PABIR2: variants seen among roughly 807,000 people sequenced by gnomAD.
PABIR2 encodes the protein family with sequence similarity 122B.
A neutral mutation model predicts 22.8 loss-of-function variants in PABIR2; 7 were observed. The ratio of observed to expected loss-of-function variants is 0.31; its 90% CI spans 0.17 to 0.58. The LOEUF (loss-of-function observed/expected upper bound fraction) is 0.58, where lower values mean the gene tolerates loss of function less well. PABIR2 is among the 20% of genes least tolerant of loss of function. PABIR2 has a pLI of 0.89. For synonymous variants in PABIR2, 67 were observed against 73.8 expected, an observed-to-expected ratio of 0.91 and a Z score of 0.47; for missense variants, 155 against 205.1, an observed-to-expected ratio of 0.76 and a Z score of 1.49.
rs145798413 is a variant in PABIR2 at position 134,786,734 on chromosome X, C to T, written c.497+738G>A. On this transcript the variant is annotated intron_variant, in intron 7 of 9. Coordinates refer to ENST00000343004, the MANE Select transcript of PABIR2 (RefSeq NM_001387468.1). ...GTACTTTGGGAGGCCGAGGAGGGCA[C>T]GAGGTCAAGAGATTGAGACCATCCT... 1.7e-4 allele frequency among the ~76,000 whole-genome samples: 19 copies of T among 110,481 alleles called. No homozygotes were observed. The East Asian group carries it at 5.2e-3, about 30-fold the overall frequency.
Position 134,771,444 on chromosome X carries a change from T to C in PABIR2, c.*695A>G. 1 of 1,091,373 alleles carries C rather than the reference T, an allele frequency of 9.2e-7. No homozygotes were observed. The highest frequency in any genetic ancestry group is 3.4e-5 in the Admixed American group (1 of 29,504). The allele number at this position is 1,091,373 out of a possible 1,213,427, so 89.9% of individuals were successfully genotyped here. On this transcript the variant is annotated 3_prime_UTR_variant, in exon 10 of 10. Coordinates refer to ENST00000343004, the MANE Select transcript of PABIR2 (RefSeq NM_001387468.1). ...CTGTGGTAGCAAAGTCATAAGAACC[T>C]GTGATGACTAATCCAAGCATCCTGT...
intron 7 of PABIR2, among the ~76,000 whole-genome samples, chrX:134,786,583 T>G (rs1325836964): frequency 1.8e-5 from 2 of 112,078 alleles, no homozygotes; most frequent in African/African-American, 6.5e-5. Context: ...TTTTCCTTAT[T>G]CTTAAAAAGG....
chrX:134,775,518 CAAAAAAAAAAAA>C (rs773542327), intron 9 of PABIR2, among the ~76,000 whole-genome samples: 1 of 25,242 alleles, frequency 4.0e-5, no homozygotes. Flanking sequence ...GACTCCGTCT[CAAAAAAAAAAAA>C]AAAAAAAAAA....
Position 134,796,515 on chromosome X carries a change from T to G in PABIR2, c.-310A>C, listed in dbSNP as rs1603098032. 5 of 179,499 alleles carry G rather than the reference T, an allele frequency of 2.8e-5. No homozygotes were observed. Among genetic ancestry groups the G allele is most frequent in the South Asian group, 1.2e-4 (1 of 8,412 alleles). The allele number at this position is 179,499 out of a possible 1,213,427, so 14.8% of individuals were successfully genotyped here. A position where few individuals can be genotyped will look rare whatever the true frequency, so the allele number is the denominator to read the frequency against. On this transcript the variant is annotated 5_prime_UTR_variant, in exon 1 of 10. Coordinates refer to ENST00000343004, the MANE Select transcript of PABIR2 (RefSeq NM_001387468.1). ...AAGAAGGATGGAGGGAAAACAAGGA[T>G]GGAGGGAGGAGGGAAGAGGGAGGGA... is the stretch of plus-strand genomic sequence containing the variant.
chrX:134,785,924 C>G lies in PABIR2; in HGVS notation c.524G>C (p.Cys175Ser). The G allele has an allele frequency of 8.3e-7, 1 of 1,211,488 alleles. No homozygotes were observed. Among genetic ancestry groups the G allele is most frequent in the East Asian group, 3.0e-5 (1 of 33,849 alleles). Residue 175 changes from cysteine (C) to serine (S), a missense_variant, in exon 8 of 10, where the codon TGC becomes TCC. Transcript: ENST00000343004. The stretch of plus-strand genomic sequence containing the variant: ...AGGACCAAGAACACTGGGTCTAATG[C>G]ACTTGACTGGACTCTGACTTCTCCT... The part of the protein sequence containing the change: ...SSRRSQSPVK[C>S]IRPSVLGPLK...
intron 6 of PABIR2, among the ~76,000 whole-genome samples, chrX:134,788,146 TAC>T (rs777357432): frequency 4.4e-5 from 4 of 90,192 alleles, no homozygotes; most frequent in African/African-American, 1.8e-4. Flanking sequence ...GTGTAATATA[TAC>T]GTTATATATG....
rs750112201 is a variant in PABIR2 at position 134,791,936 on chromosome X, C to CA, written c.177+1878dup. On this transcript the variant is annotated intron_variant, in intron 2 of 9. Coordinates refer to ENST00000343004, the MANE Select transcript of PABIR2 (RefSeq NM_001387468.1). ...GCGCCAACCCCCGGTCACCAAAATA[C>CA]AAAATTTCCATCACTTGGAGTCTTC... Among the ~76,000 whole-genome samples, 38 of 111,741 alleles carry CA rather than the reference C, an allele frequency of 3.4e-4. No homozygotes were observed. In the South Asian group the frequency reaches 0.014, roughly 41 times the overall value.
intron 7 of PABIR2, 29 bp from the exon 8 acceptor site, chrX:134,785,979 T>C: frequency 8.5e-7 from 1 of 1,182,158 alleles, no homozygotes; most frequent in Non-Finnish European, 1.2e-6. Flanking sequence ...CAGGATAATG[T>C]GAAGAACATC....
At position 134,793,908 on chromosome X, in the gene PABIR2, A is replaced by G. The variant is rs199792049; in HGVS notation, c.99-15T>C. On this transcript the variant is annotated splice_polypyrimidine_tract_variant and intron_variant, in intron 1 of 9. Transcript: ENST00000343004. ...GTGAAAGGTCACTGAAAAAAACAAAAACAAACAAACAAAAAAAACAAAATT... is the reference window on the plus strand; with the variant it reads ...GTGAAAGGTCACTGAAAAAAACAAAGACAAACAAACAAAAAAAACAAAATT... 16 of 1,191,029 alleles carry G rather than the reference A, an allele frequency of 1.3e-5. No homozygotes were observed. The East Asian group carries it at 4.2e-4, about 31-fold the overall frequency.
intron 9 of PABIR2, among the ~76,000 whole-genome samples, chrX:134,781,106 A>G (rs2079144348): frequency 8.9e-6 from 1 of 112,720 alleles, no homozygotes; most frequent in Non-Finnish European, 1.9e-5. Context: ...TTCTCACACC[A>G]GCCAGCAGTT....
intron 3 of PABIR2, 146 bp downstream of exon 3, chrX:134,789,434 T>A (rs2079481241): frequency 1.2e-6 from 1 of 824,501 alleles, no homozygotes; most frequent in South Asian, 2.2e-5. Flanking sequence ...ATGCCGCTTG[T>A]ATATTTTATC....
At chrX:134,776,612 T>C (rs1324807253) in intron 9 of PABIR2, among the ~76,000 whole-genome samples, 1 of 109,522 alleles carries the variant, frequency 9.1e-6, no homozygotes, top group Non-Finnish European at 1.9e-5. Flanking sequence ...AATTTTCGTT[T>C]AGTAAAAGAA....
chrX:134,788,615 T>G (rs2079451582), intron 6 of PABIR2, 115 bp downstream of exon 6: 1 of 466,318 alleles, frequency 2.1e-6, no homozygotes, highest in Non-Finnish European at 3.4e-6. Flanking sequence ...GCTGTAGATT[T>G]TCATTGATTT....
chrX:134,780,226 C>A (rs2079119605), intron 9 of PABIR2, among the ~76,000 whole-genome samples: 1 of 112,584 alleles, frequency 8.9e-6, no homozygotes. Flanking sequence ...ACACTCCTTC[C>A]ATTTAAGGGG....
Position 134,788,174 on chromosome X carries a change from TTA to T in PABIR2, c.435+554_435+555del, listed in dbSNP as rs202067716. ...GTTATATATGTGTAATATATACACG[TTA>T]TATATGTGTAATATATACACGTTAT... is the stretch of plus-strand genomic sequence containing the variant. On this transcript the variant is annotated intron_variant, in intron 6 of 9. Coordinates refer to ENST00000343004, the MANE Select transcript of PABIR2 (RefSeq NM_001387468.1). 8.0e-3 allele frequency among the ~76,000 whole-genome samples: 700 copies of T among 88,023 alleles called. 22 individuals are homozygous for T. Among genetic ancestry groups the T allele is most frequent in the African/African-American group, 0.03 (671 of 22,268 alleles). The allele number at this position is 88,023 out of a possible 115,157, so 76.4% of individuals were successfully genotyped here.
In PABIR2 at chrX:134,771,273, G is replaced by C. The variant is rs760471169; in HGVS notation, c.*866C>G. ...TGGACGCTTTTGTACACAGTGGTTT[G>C]TGTGTAAATAACTATTCATTCATTT... On this transcript the variant is annotated 3_prime_UTR_variant, in exon 10 of 10. Coordinates refer to ENST00000343004, the MANE Select transcript of PABIR2 (RefSeq NM_001387468.1). 3.5e-6 allele frequency: 4 copies of C among 1,148,235 alleles called. No individual in the cohort carries two copies. The South Asian group carries it at 5.8e-5, about 17-fold the overall frequency. The allele number at this position is 1,148,235 out of a possible 1,213,427, so 94.6% of individuals were successfully genotyped here.
intron 8 of PABIR2, among the ~76,000 whole-genome samples, chrX:134,785,588 C>A (rs1159001534): frequency 2.7e-5 from 3 of 110,131 alleles, no homozygotes; most frequent in Admixed American, 9.7e-5. Flanking sequence ...ATTACAGGTA[C>A]CTGCCACCAC....
In PABIR2 at chrX:134,770,089, G is replaced by A. The variant is rs1389352637; in HGVS notation, c.*2050C>T. On this transcript the variant is annotated 3_prime_UTR_variant, in exon 10 of 10. Coordinates refer to ENST00000343004, the MANE Select transcript of PABIR2 (RefSeq NM_001387468.1). ...TTAATGTAAATACCATCATATTTCA[G>A]TTATTTCTTAACAGTGTTAAGTTCG... The A allele has an allele frequency of 8.9e-6, 1 of 112,182 alleles. No homozygotes were observed. 9.2% of individuals were successfully genotyped at this position (112,182 alleles called of 1,213,427 possible). A position where few individuals can be genotyped will look rare whatever the true frequency, so the allele number is the denominator to read the frequency against.
chrX:134,796,280 T>G lies in PABIR2; in HGVS notation c.-75A>C. ...AGCTATGGACTCCCAAGACTCTCACTGCAGGACTGAGCTGCTGGGGACTGG... is the reference window on the plus strand; with the variant it reads ...AGCTATGGACTCCCAAGACTCTCACGGCAGGACTGAGCTGCTGGGGACTGG... On this transcript the variant is annotated 5_prime_UTR_variant, in exon 1 of 10. Coordinates refer to ENST00000343004, the MANE Select transcript of PABIR2 (RefSeq NM_001387468.1). The G allele has an allele frequency of 1.4e-6, 1 of 702,287 alleles. No individual in the cohort carries two copies. The highest frequency in any genetic ancestry group is 1.9e-6 in the Non-Finnish European group (1 of 513,420). The allele number at this position is 702,287 out of a possible 1,213,427, so 57.9% of individuals were successfully genotyped here.
Sources: allele counts gnomAD v4.1 joint callset (sites outside exome capture counted in the v4.1 genomes callset), GRCh38; gene constraint gnomAD v4.1.1; transcripts MANE v1.5; gene names NCBI Gene and HGNC (gene_info 2026-07-23, HGNC 2026-07-21).